CDC73: variants seen among roughly 807,000 people sequenced by gnomAD.
The protein encoded by CDC73 is parafibromin.
CDC73 carries 21 observed loss-of-function variants against 83.7 expected under a neutral mutation model. That is an observed-to-expected ratio of 0.25 (90% CI 0.18 to 0.36). The LOEUF (loss-of-function observed/expected upper bound fraction) is 0.36. CDC73 is among the 10% of genes least tolerant of loss of function. CDC73 has a pLI of 1.00. For synonymous variants in CDC73, 224 were observed against 212.9 expected (o/e 1.05, Z -0.45); for missense variants, 342 against 653.3 (o/e 0.52, Z 5.19).
At chr1:193,161,239 T>TA (rs1476721521) in intron 10 of CDC73, 1 of 177,116 alleles carries the variant, frequency 5.6e-6, no homozygotes, top group East Asian at 9.6e-5. Flanking sequence ...TTTAAACTCT[T>TA]ACTTGCTTCT....
chr1:193,122,758 G>A (rs753171549), intron 1 of CDC73, among the ~76,000 whole-genome samples: 6 of 151,896 alleles, frequency 4.0e-5, no homozygotes, highest in Non-Finnish European at 5.9e-5. Flanking sequence ...ATCTCCGCTG[G>A]TCTTTGCAAC....
intron 15 of CDC73, among the ~76,000 whole-genome samples, chr1:193,240,211 A>G (rs1677834794): frequency 6.6e-6 from 1 of 152,158 alleles, no homozygotes; most frequent in Non-Finnish European, 1.5e-5. Flanking sequence ...ATTCTTTTTT[A>G]TGGCCACACA....
At chr1:193,133,545 TAAAA>T (rs970759923) in intron 3 of CDC73, among the ~76,000 whole-genome samples, 1 of 152,106 alleles carries the variant, frequency 6.6e-6, no homozygotes, top group African/African-American at 2.4e-5. Context: ...GATACACTAA[TAAAA>T]AAACTTTATC....
At chr1:193,151,729 C>A (rs1379830160) in intron 9 of CDC73, among the ~76,000 whole-genome samples, 1 of 152,074 alleles carries the variant, frequency 6.6e-6, no homozygotes, top group Non-Finnish European at 1.5e-5. Context: ...TTGTGACCAG[C>A]CTGAGCAACA....
In CDC73 at chr1:193,135,048, GTA is replaced by G. The variant is rs763517895; in HGVS notation, c.308-341_308-340del. Reference sequence around the variant, plus strand: ...AAATCTTGTCCATATATATGTGTGTGTATGTGTGTGTGTATATATATATTTAT... The same window carrying G: ...AAATCTTGTCCATATATATGTGTGTGTGTGTGTGTGTATATATATATTTAT... On this transcript the variant is annotated intron_variant, in intron 3 of 16. Coordinates refer to ENST00000367435, the MANE Select transcript of CDC73 (RefSeq NM_024529.5). 3.0e-3 allele frequency among the ~76,000 whole-genome samples: 221 copies of G among 73,944 alleles called. 3 individuals carry two copies. Among genetic ancestry groups the G allele is most frequent in the Non-Finnish European group, 2.2e-3 (51 of 23,576 alleles). The allele number at this position is 73,944 out of a possible 152,430, so 48.5% of individuals were successfully genotyped here. A position where few individuals can be genotyped will look rare whatever the true frequency, so the allele number is the denominator to read the frequency against.
At chr1:193,175,904 CT>C (rs1553283648) in intron 10 of CDC73, among the ~76,000 whole-genome samples, 1 of 151,870 alleles carries the variant, frequency 6.6e-6, no homozygotes, top group Non-Finnish European at 1.5e-5. Flanking sequence ...GTTTACTTGT[CT>C]TTTTTTTGCT....
intron 9 of CDC73, among the ~76,000 whole-genome samples, chr1:193,151,823 C>G (rs909116959): frequency 6.6e-6 from 1 of 151,924 alleles, no homozygotes; most frequent in African/African-American, 2.4e-5. Context: ...ACTCGGGAGG[C>G]TGAGGTGGGA....
chr1:193,245,375 GTTTAAC>G (rs567931884), intron 15 of CDC73, among the ~76,000 whole-genome samples: 109 of 152,204 alleles, frequency 7.2e-4, no homozygotes, highest in Middle Eastern at 3.4e-3. Flanking sequence ...AACTTGTGGT[GTTTAAC>G]TTTATGTTTC....
chr1:193,167,917 G>A (rs1676459083), intron 10 of CDC73, among the ~76,000 whole-genome samples: 1 of 152,128 alleles, frequency 6.6e-6, no homozygotes, highest in African/African-American at 2.4e-5. Flanking sequence ...CTTCAGTACA[G>A]TGGTGCAATC....
At chr1:193,145,028 A>G (rs1675972613) in intron 7 of CDC73, among the ~76,000 whole-genome samples, 2 of 152,182 alleles carry the variant, frequency 1.3e-5, no homozygotes, top group African/African-American at 2.4e-5. Context: ...AAAGTCTTCT[A>G]GTGAGTCTTT....
intron 10 of CDC73, among the ~76,000 whole-genome samples, chr1:193,195,021 T>C (rs1455002443): frequency 6.6e-6 from 1 of 152,114 alleles, no homozygotes; most frequent in African/African-American, 2.4e-5. Context: ...AGCACACATA[T>C]GTATATATGG....
At chr1:193,242,955 C>CT (rs530654324) in intron 15 of CDC73, among the ~76,000 whole-genome samples, 5,858 of 142,182 alleles carry the variant, frequency 0.041, 368 homozygotes, top group African/African-American at 0.14. Flanking sequence ...TCTTCTTCTT[C>CT]TTTTTTTTTT....
intron 10 of CDC73, among the ~76,000 whole-genome samples, chr1:193,194,139 A>G (rs562518199): frequency 5.1e-4 from 77 of 152,242 alleles, no homozygotes; most frequent in African/African-American, 1.5e-3. Context: ...GAAGAAACCC[A>G]TTTTGCATTA....
At position 193,249,948 on chromosome 1, in the gene CDC73, G is replaced by C. The variant is rs1678019860; in HGVS notation, c.1559+77G>C. 8.7e-6 allele frequency: 12 copies of C among 1,379,170 alleles called. No homozygotes were observed. The South Asian group carries it at 1.2e-4, about 13-fold the overall frequency. The allele number at this position is 1,379,170 out of a possible 1,614,324, so 85.4% of individuals were successfully genotyped here. On this transcript the variant is annotated intron_variant, in intron 16 of 16. Coordinates refer to ENST00000367435, the MANE Select transcript of CDC73 (RefSeq NM_024529.5). ...TCTCAGTTAAATTTTAAGTTCCATA[G>C]AGTTGTCAGTCTTATTCCCTAATTC...
At chr1:193,192,652 T>G (rs970694707) in intron 10 of CDC73, among the ~76,000 whole-genome samples, 2 of 152,192 alleles carry the variant, frequency 1.3e-5, no homozygotes, top group African/African-American at 4.8e-5. Flanking sequence ...AGAACCAGGC[T>G]GCACGATGGA....
chr1:193,124,220 A>T (rs1021544634), intron 1 of CDC73, among the ~76,000 whole-genome samples: 1 of 152,258 alleles, frequency 6.6e-6, no homozygotes, highest in African/African-American at 2.4e-5. Flanking sequence ...GCACATGCAC[A>T]TGGAAATATA....
In CDC73 at chr1:193,251,916, C is replaced by T. The variant is rs1166528869; in HGVS notation, c.*1204C>T. ...AGTGTTTTTGCCATTGGAATTTTTG[C>T]TGATCACAGTCTTATGTCATTTTTT... On this transcript the variant is annotated 3_prime_UTR_variant, in exon 17 of 17. Transcript: ENST00000367435. 1.3e-5 allele frequency: 3 copies of T among 230,310 alleles called. No individual in the cohort carries two copies. Among genetic ancestry groups the T allele is most frequent in the African/African-American group, 4.5e-5 (2 of 44,922 alleles). The allele number at this position is 230,310 out of a possible 1,614,324, so 14.3% of individuals were successfully genotyped here. A position where few individuals can be genotyped will look rare whatever the true frequency, so the allele number is the denominator to read the frequency against.
At chr1:193,221,139 A>G (rs1314623621) in intron 13 of CDC73, among the ~76,000 whole-genome samples, 1 of 152,196 alleles carries the variant, frequency 6.6e-6, no homozygotes, top group Non-Finnish European at 1.5e-5. Flanking sequence ...AATAATGAGT[A>G]CTAAGTAAAT....
chr1:193,152,519 T>C (rs1017412024), intron 10 of CDC73, 75 bp downstream of exon 10: 7 of 928,668 alleles, frequency 7.5e-6, no homozygotes, highest in East Asian at 2.4e-5. Context: ...AGTAAATCTT[T>C]AGTCTCTCAT....
Sources: allele counts gnomAD v4.1 joint callset (sites outside exome capture counted in the v4.1 genomes callset), GRCh38; gene constraint gnomAD v4.1.1; transcripts MANE v1.5; gene names NCBI Gene and HGNC (gene_info 2026-07-23, HGNC 2026-07-21).